The following ATP11A variants were observed in gnomAD, a reference collection of about 807,000 sequenced individuals.
ATP11A encodes the protein ATPase phospholipid transporting 11A.
ATP11A carries 81 observed loss-of-function variants against 154.4 expected under a neutral mutation model. The observed-to-expected ratio is 0.52, with a 90% CI of 0.44 to 0.63. The LOEUF is 0.63. Among genes scored for constraint, ATP11A ranks in the 30% least tolerant of loss-of-function variants. The pLI is 0.00. For missense variants in ATP11A, 1,316 were observed against 1,474.3 expected, an observed-to-expected ratio of 0.89 and a Z score of 1.76; for synonymous variants, 623 against 585.9, an observed-to-expected ratio of 1.06 and a Z score of -0.91.
chr13:112,835,883 C>A (rs1362442318), intron 15 of ATP11A, among the ~76,000 whole-genome samples: 1 of 152,232 alleles, frequency 6.6e-6, no homozygotes, highest in East Asian at 1.9e-4. Context: ...GCGTAGGGAA[C>A]GCAGCCTGCT....
intron 1 of ATP11A, among the ~76,000 whole-genome samples, chr13:112,741,750 C>T (rs919469467): frequency 6.6e-6 from 1 of 152,166 alleles, no homozygotes; most frequent in Admixed American, 6.5e-5. Context: ...GCTCTCTCTG[C>T]ACTGTTTTCC....
chr13:112,886,037 C>A lies in ATP11A; in HGVS notation c.*4171C>A, dbSNP rs112027937. On this transcript the variant is annotated 3_prime_UTR_variant, in exon 30 of 30. Transcript: ENST00000375645. ...GCCACAGCAGGACTGGCCACACCCA[C>A]GCCGCACCTCATCCGTGCACGCGTC... 3,234 of 152,442 alleles carry A rather than the reference C, an allele frequency of 0.021. 123 individuals are homozygous for A. The highest frequency in any genetic ancestry group is 0.073 in the African/African-American group (3,042 of 41,594). 9.4% of individuals were successfully genotyped at this position (152,442 alleles called of 1,614,324 possible). A position where few individuals can be genotyped will look rare whatever the true frequency, so the allele number is the denominator to read the frequency against.
intron 1 of ATP11A, among the ~76,000 whole-genome samples, chr13:112,727,877 G>C (rs1482032261): frequency 2.0e-5 from 3 of 152,262 alleles, no homozygotes; most frequent in African/African-American, 4.8e-5. Context: ...GTTAAAGGCT[G>C]AGCCCCATTT....
At chr13:112,864,774 C>G (rs183474474) in intron 25 of ATP11A, among the ~76,000 whole-genome samples, 1 of 69,614 alleles carries the variant, frequency 1.4e-5, no homozygotes, top group Non-Finnish European at 2.4e-5. Flanking sequence ...TAATTCAGTG[C>G]GGCCCATGCA....
chr13:112,781,711 T>G (rs1209843397), intron 1 of ATP11A, among the ~76,000 whole-genome samples: 1 of 148,080 alleles, frequency 6.8e-6, no homozygotes, highest in Non-Finnish European at 1.5e-5. Flanking sequence ...TTTGACCATG[T>G]GTGGGCTGCT....
At chr13:112,791,950 G>A (rs543876925) in intron 2 of ATP11A, among the ~76,000 whole-genome samples, 1 of 152,156 alleles carries the variant, frequency 6.6e-6, no homozygotes, top group South Asian at 2.1e-4. Flanking sequence ...TCTCAGGAGC[G>A]CCGTCTGCGT....
At chr13:112,721,793 A>T (rs928920085) in intron 1 of ATP11A, among the ~76,000 whole-genome samples, 1 of 152,204 alleles carries the variant, frequency 6.6e-6, no homozygotes, top group East Asian at 1.9e-4. Flanking sequence ...GAGTGTTAAG[A>T]AAAAGGCTGT....
chr13:112,735,167 G>A (rs1168655938), intron 1 of ATP11A, among the ~76,000 whole-genome samples: 2 of 152,178 alleles, frequency 1.3e-5, no homozygotes, highest in Admixed American at 1.3e-4. Flanking sequence ...TAGATACACT[G>A]GGGAAAATAA....
chr13:112,833,004 C>T lies in ATP11A; in HGVS notation c.1540C>T (p.Leu514=), dbSNP rs532995943. 58 of 1,613,022 alleles carry T rather than the reference C, an allele frequency of 3.6e-5. No homozygotes were observed. Among genetic ancestry groups the T allele is most frequent in the Non-Finnish European group, 4.7e-5 (56 of 1,179,732 alleles). The change falls in exon 14 of 30, where the codon CTG becomes TTG. Residue 514 remains leucine (L), a synonymous_variant. Coordinates refer to ENST00000375645, the MANE Select transcript of ATP11A (RefSeq NM_015205.3). ...YISSSPDEVA[L]VEGVQRLGFT... ...CTCATCCTCGCCCGACGAGGTGGCGCTGGTCGAAGGTGTCCAGAGGTACGT... is the reference window on the plus strand; with the variant it reads ...CTCATCCTCGCCCGACGAGGTGGCGTTGGTCGAAGGTGTCCAGAGGTACGT...
chr13:112,815,427 A>C (rs1007032451), intron 5 of ATP11A, among the ~76,000 whole-genome samples: 2 of 151,976 alleles, frequency 1.3e-5, no homozygotes, highest in Non-Finnish European at 1.5e-5. Flanking sequence ...CCCGGCAGAC[A>C]CACAGTCCAG....
rs200676229 is a variant in ATP11A at position 112,859,396 on chromosome 13, G to A, written c.2671G>A (p.Val891Ile). ...ELVQYFFYKN[V>I]CFIFPQFLYQ... ...ACAGTTATGCCTTGCCTTTCAGAAC[G>A]TCTGCTTCATCTTCCCTCAGTTTTT... Residue 891 changes from valine (V) to isoleucine (I), a missense_variant, in exon 23 of 30, where the codon GTC (valine) becomes ATC (isoleucine). Val to Ile is a conservative substitution (Grantham distance 29). Transcript: ENST00000375645. This position sits in a 1 kb window ranked among gnomAD's most constrained non-coding sequence, Gnocchi z 4.3. 4.3e-6 allele frequency: 7 copies of A among 1,613,954 alleles called. No homozygotes were observed. Among genetic ancestry groups the A allele is most frequent in the African/African-American group, 1.3e-5 (1 of 75,050 alleles).
chr13:112,766,910 GTGGGGGTGT>G (rs1440519202), intron 1 of ATP11A, among the ~76,000 whole-genome samples: 5 of 7,596 alleles, frequency 6.6e-4, no homozygotes, highest in African/African-American at 3.3e-3. Flanking sequence ...GTGGGGAGAT[GTGGGGGTGT>G]TGGGGGCCCC....
chr13:112,880,834 C>T (rs2080864021), intron 29 of ATP11A: 1 of 1,129,500 alleles, frequency 8.9e-7, no homozygotes. Context: ...AAGCTGACCA[C>T]ACATGGAACA....
chr13:112,729,521 G>A (rs936440439), intron 1 of ATP11A, among the ~76,000 whole-genome samples: 1 of 151,782 alleles, frequency 6.6e-6, no homozygotes, highest in Non-Finnish European at 1.5e-5. Flanking sequence ...CTGAGGCAGC[G>A]CAGTCCCCAC....
At chr13:112,827,260 A>G (rs1340810006) in intron 12 of ATP11A, among the ~76,000 whole-genome samples, 1 of 152,230 alleles carries the variant, frequency 6.6e-6, no homozygotes, top group Admixed American at 6.5e-5. Flanking sequence ...AAAGATGAAC[A>G]AACCAGATTT....
intron 1 of ATP11A, among the ~76,000 whole-genome samples, chr13:112,701,273 G>C (rs185421040): frequency 1.8e-4 from 27 of 152,346 alleles, no homozygotes; most frequent in African/African-American, 6.5e-4. Context: ...TATTGTTGCT[G>C]CGTGCTTATC....
At chr13:112,693,947 G>A (rs578121830) in intron 1 of ATP11A, among the ~76,000 whole-genome samples, 3 of 152,274 alleles carry the variant, frequency 2.0e-5, no homozygotes, top group East Asian at 1.9e-4. Flanking sequence ...AGCGAAACTC[G>A]TCTCAAAATA....
intron 1 of ATP11A, among the ~76,000 whole-genome samples, chr13:112,698,678 T>C (rs924609655): frequency 6.6e-6 from 1 of 152,214 alleles, no homozygotes; most frequent in Non-Finnish European, 1.5e-5. Flanking sequence ...GGCAGATTAA[T>C]CATTAGTTGC....
intron 1 of ATP11A, among the ~76,000 whole-genome samples, chr13:112,737,793 G>C (rs1345854639): frequency 6.6e-6 from 1 of 152,218 alleles, no homozygotes; most frequent in Non-Finnish European, 1.5e-5. Flanking sequence ...GCAGCTCCGT[G>C]TCTTGGATTG....
Sources: allele counts gnomAD v4.1 joint callset (sites outside exome capture counted in the v4.1 genomes callset), GRCh38; gene constraint gnomAD v4.1.1; non-coding constraint Gnocchi (gnomAD v3.1); transcripts MANE v1.5; gene names NCBI Gene and HGNC (gene_info 2026-07-23, HGNC 2026-07-21).